PDE10A: variants seen among roughly 807,000 people sequenced by gnomAD.
PDE10A encodes cAMP and cAMP-inhibited cGMP 3',5'-cyclic phosphodiesterase 10A.
PDE10A carries 39 observed loss-of-function variants against 97.7 expected under a neutral mutation model. That is an observed-to-expected ratio of 0.40 (90% confidence interval 0.31 to 0.52). The LOEUF (loss-of-function observed/expected upper bound fraction) is 0.52, where lower values mean the gene tolerates loss of function less well. PDE10A is among the 20% of genes least tolerant of loss of function. PDE10A has a pLI of 0.56. For missense variants in PDE10A, 731 were observed against 1,047.8 expected (o/e 0.70, Z 4.17); for synonymous variants, 371 against 376.8 (o/e 0.98, Z 0.18).
At chr6:165,362,852 C>A (rs1049305307) in intron 18 of PDE10A, among the ~76,000 whole-genome samples, 2 of 152,132 alleles carry the variant, frequency 1.3e-5, no homozygotes, top group Admixed American at 6.6e-5. Flanking sequence ...ATATATAGAA[C>A]AACTATACAC....
chr6:165,362,439 C>A (rs1464328126), intron 18 of PDE10A, among the ~76,000 whole-genome samples: 2 of 151,902 alleles, frequency 1.3e-5, no homozygotes, highest in Non-Finnish European at 2.9e-5. Context: ...CAACTGTATG[C>A]CAATAAAGTA....
chr6:165,943,223 GAAAGAAA>G lies in PDE10A; in HGVS notation c.-615+44299_-615+44305del, dbSNP rs1562809723. ...AGAAAGAAAGAAAGAAAGAAAGAAA[GAAAGAAA>G]GAAAGAAGGAAGGAAGGAAGGAAGG... On this transcript the variant is annotated intron_variant, in intron 1 of 19. Transcript: ENST00000366882. Among the ~76,000 whole-genome samples, 595 of 64,350 alleles carry G rather than the reference GAAAGAAA, an allele frequency of 9.2e-3. 5 individuals are homozygous for G. The highest frequency in any genetic ancestry group is 0.026 in the Middle Eastern group (4 of 156). 42.2% of individuals were successfully genotyped at this position (64,350 alleles called of 152,430 possible).
intron 1 of PDE10A, among the ~76,000 whole-genome samples, chr6:165,657,912 C>T (rs1298342552): frequency 6.6e-6 from 1 of 152,164 alleles, no homozygotes; most frequent in Non-Finnish European, 1.5e-5. Flanking sequence ...TCATGCCTTG[C>T]TTTGCTGGTC....
intron 2 of PDE10A, among the ~76,000 whole-genome samples, chr6:165,539,830 G>A (rs1446681787): frequency 2.6e-5 from 4 of 152,146 alleles, no homozygotes; most frequent in African/African-American, 9.7e-5. Context: ...TGGAGGCTGA[G>A]GCAGGAGAAT....
At chr6:165,904,567 C>T (rs2128484956) in intron 1 of PDE10A, among the ~76,000 whole-genome samples, 1 of 152,250 alleles carries the variant, frequency 6.6e-6, no homozygotes, top group East Asian at 1.9e-4. Context: ...TTTTTTCCCT[C>T]ATTTTGGTCA....
rs1285284297 is a variant in PDE10A, at chr6:165,392,628, T to A, written c.2454+18A>T. On this transcript the variant is annotated intron_variant, in intron 16 of 21. Coordinates refer to ENST00000539869, the MANE Select transcript of PDE10A (RefSeq NM_001385079.1). ...CCACTGAGGTTACGAGAAACAGAGG[T>A]AAAGAGTGCACACCCACCTCAAGGT... 2 of 1,608,010 alleles carry A rather than the reference T, an allele frequency of 1.2e-6. No individual in the cohort carries two copies. Among genetic ancestry groups the A allele is most frequent in the East Asian group, 4.5e-5 (2 of 44,760 alleles).
intron 1 of PDE10A, among the ~76,000 whole-genome samples, chr6:165,720,552 A>G (rs1368686006): frequency 2.6e-5 from 4 of 152,194 alleles, no homozygotes; most frequent in Admixed American, 2.6e-4. Context: ...TCCTAAGATC[A>G]AGTCTTATAT....
At chr6:165,929,886 C>T (rs1308245748) in intron 1 of PDE10A, among the ~76,000 whole-genome samples, 2 of 151,746 alleles carry the variant, frequency 1.3e-5, no homozygotes, top group East Asian at 1.9e-4. Flanking sequence ...GAAGAGAGTG[C>T]TCCCTAATGA....
At position 165,612,312 on chromosome 6, in the gene PDE10A, T is replaced by C. The variant is rs573739291; in HGVS notation, c.865+49635A>G. Among the ~76,000 whole-genome samples the C allele has an allele frequency of 2.0e-5, 3 of 152,216 alleles. No homozygotes were observed. The South Asian group carries it at 6.2e-4, about 32-fold the overall frequency. ...TAAGCAAACATCAGGAATGCTCTGC[T>C]CCTTAATCCCATACACTTTTAAAAC... is the stretch of plus-strand genomic sequence containing the variant. On this transcript the variant is annotated intron_variant, in intron 1 of 21. Transcript: ENST00000539869.
At chr6:165,784,770 T>C (rs535048471) in intron 1 of PDE10A, among the ~76,000 whole-genome samples, 5 of 152,232 alleles carry the variant, frequency 3.3e-5, no homozygotes, top group African/African-American at 1.2e-4. Context: ...AGGGTTTGCA[T>C]GGGAAACTGT....
chr6:165,849,730 C>A (rs1332647310), intron 1 of PDE10A, among the ~76,000 whole-genome samples: 1 of 152,120 alleles, frequency 6.6e-6, no homozygotes, highest in Non-Finnish European at 1.5e-5. Flanking sequence ...TGCTTCTGAA[C>A]AAGTCAAGCT....
chr6:165,953,213 C>A (rs1420928116), intron 1 of PDE10A, among the ~76,000 whole-genome samples: 1 of 152,132 alleles, frequency 6.6e-6, no homozygotes, highest in Non-Finnish European at 1.5e-5. Context: ...CTTCCAATAT[C>A]TGAGGAATTA....
intron 1 of PDE10A, among the ~76,000 whole-genome samples, chr6:165,626,794 G>A (rs572487648): frequency 3.3e-5 from 5 of 152,302 alleles, no homozygotes; most frequent in African/African-American, 1.2e-4. Context: ...GGGATGGGGT[G>A]GACAGGGACA....
intron 1 of PDE10A, among the ~76,000 whole-genome samples, chr6:165,820,464 C>T (rs917485005): frequency 2.6e-5 from 4 of 152,158 alleles, no homozygotes; most frequent in Non-Finnish European, 5.9e-5. Context: ...TGAGTTTTAT[C>T]ATTTAATCTG....
chr6:165,351,034 A>C (rs1007546958), intron 18 of PDE10A, among the ~76,000 whole-genome samples: 3 of 152,202 alleles, frequency 2.0e-5, no homozygotes, highest in African/African-American at 7.2e-5. Flanking sequence ...TCCCAAATTC[A>C]CTTGTCAGTC....
At chr6:165,394,060 TTTA>T (rs71026685) in intron 15 of PDE10A, among the ~76,000 whole-genome samples, 44,905 of 150,738 alleles carry the variant, frequency 0.3, 7,447 homozygotes, top group Middle Eastern at 0.38. Flanking sequence ...GTTCTAAACA[TTTA>T]TTATTATTAT....
chr6:165,817,447 C>A (rs73031945), intron 1 of PDE10A, among the ~76,000 whole-genome samples: 1 of 152,284 alleles, frequency 6.6e-6, no homozygotes, highest in Middle Eastern at 3.4e-3. Flanking sequence ...CTCCCTACCA[C>A]ATACACACGC....
At chr6:165,968,716 A>G (rs1784586570) in intron 1 of PDE10A, among the ~76,000 whole-genome samples, 3 of 152,218 alleles carry the variant, frequency 2.0e-5, no homozygotes, top group Admixed American at 6.5e-5. Context: ...TCAAAAAGGA[A>G]AACACATAAG....
intron 1 of PDE10A, among the ~76,000 whole-genome samples, chr6:165,842,199 AT>A (rs923194868): frequency 9.2e-5 from 14 of 151,376 alleles, no homozygotes; most frequent in Admixed American, 2.6e-4. Context: ...AATGTTATAC[AT>A]TTTTTTTTAA....
Sources: gnomAD v4.1 joint callset for allele counts (sites outside exome capture counted in the v4.1 genomes callset) on GRCh38, gnomAD v4.1.1 for gene constraint, MANE v1.5 for transcripts, NCBI Gene and HGNC (gene_info 2026-07-23, HGNC 2026-07-21) for gene names.